The following SLCO1B1 variants were observed in gnomAD, a reference collection of about 807,000 sequenced individuals.
SLCO1B1 encodes solute carrier organic anion transporter family member 1B1.
Under a neutral mutation model 70.1 loss-of-function variants are expected in SLCO1B1, and 81 were observed. That is an observed-to-expected ratio of 1.16 (90% CI 0.97 to 1.39). SLCO1B1 has a LOEUF of 1.39. Ranked by LOEUF, SLCO1B1 falls within the 40% of genes most tolerant of loss-of-function variation. The probability of loss-of-function intolerance (pLI) is 0.00; values close to 1 mark genes in which losing one functional copy is unlikely to be tolerated. For synonymous variants in SLCO1B1, 283 were observed against 271.5 expected, an observed-to-expected ratio of 1.04 and a Z score of -0.42; for missense variants, 895 against 799.6, an observed-to-expected ratio of 1.12 and a Z score of -1.44.
At chr12:21,222,082 T>G (rs1185679935) in intron 12 of SLCO1B1, among the ~76,000 whole-genome samples, 5 of 152,036 alleles carry the variant, frequency 3.3e-5, no homozygotes, top group Non-Finnish European at 7.4e-5. Context: ...TTAAGCCATC[T>G]TGAAATCATG....
chr12:21,215,013 T>C (rs1178487263), intron 11 of SLCO1B1, among the ~76,000 whole-genome samples: 1 of 152,134 alleles, frequency 6.6e-6, no homozygotes, highest in Non-Finnish European at 1.5e-5. Context: ...AATGCAGAAA[T>C]CACCCGTCTT....
At chr12:21,174,108 G>A (rs1274539254) in intron 3 of SLCO1B1, among the ~76,000 whole-genome samples, 1 of 151,980 alleles carries the variant, frequency 6.6e-6, no homozygotes, top group Non-Finnish European at 1.5e-5. Flanking sequence ...TAGCACCTCT[G>A]TCCATCTATT....
chr12:21,233,680 G>C (rs1271928128), intron 14 of SLCO1B1, among the ~76,000 whole-genome samples: 1 of 152,058 alleles, frequency 6.6e-6, no homozygotes, highest in Non-Finnish European at 1.5e-5. Context: ...GGAGGAGTTG[G>C]CAGTGCCTAG....
chr12:21,208,709 T>A (rs1431824439), intron 11 of SLCO1B1, among the ~76,000 whole-genome samples: 1 of 152,144 alleles, frequency 6.6e-6, no homozygotes, highest in Non-Finnish European at 1.5e-5. Context: ...TGTAGATTGC[T>A]TTGGGCAGTA....
chr12:21,222,008 A>G lies in SLCO1B1; in HGVS notation c.1683-292A>G, dbSNP rs557175702. 1.4e-4 allele frequency among the ~76,000 whole-genome samples: 21 copies of G among 152,222 alleles called. 1 individual carries two copies. The highest frequency in any genetic ancestry group is 1.1e-3 in the Admixed American group (17 of 15,278). Reference sequence around the variant, plus strand: ...ACAAAAAATCAGTATCTTCAGAGGCATAATAAAGTCTGTTCTAACCACTTC... The same window carrying G: ...ACAAAAAATCAGTATCTTCAGAGGCGTAATAAAGTCTGTTCTAACCACTTC... On this transcript the variant is annotated intron_variant, in intron 12 of 14. Transcript: ENST00000256958.
intron 1 of SLCO1B1, among the ~76,000 whole-genome samples, chr12:21,140,110 C>G (rs919296997): frequency 1.3e-5 from 2 of 152,070 alleles, no homozygotes; most frequent in Non-Finnish European, 2.9e-5. Context: ...TGACCAGAGG[C>G]AGACAGGCAT....
At chr12:21,203,877 C>A (rs1941184896) in intron 10 of SLCO1B1, among the ~76,000 whole-genome samples, 1 of 151,900 alleles carries the variant, frequency 6.6e-6, no homozygotes, top group Non-Finnish European at 1.5e-5. Context: ...TATGTCACAC[C>A]CTTAGTTCAA....
At chr12:21,214,845 C>T (rs1177766959) in intron 11 of SLCO1B1, among the ~76,000 whole-genome samples, 1 of 152,086 alleles carries the variant, frequency 6.6e-6, no homozygotes, top group Non-Finnish European at 1.5e-5. Flanking sequence ...GTCCGTCACC[C>T]CTTTCTTTGA....
intron 14 of SLCO1B1, among the ~76,000 whole-genome samples, chr12:21,233,563 C>A (rs999106332): frequency 2.5e-4 from 22 of 88,964 alleles, no homozygotes; most frequent in South Asian, 1.0e-3. Flanking sequence ...AAAAAAAAAA[C>A]AAACAAACAA....
intron 1 of SLCO1B1, among the ~76,000 whole-genome samples, chr12:21,138,244 C>T (rs1940255938): frequency 6.6e-6 from 1 of 152,072 alleles, no homozygotes; most frequent in African/African-American, 2.4e-5. Context: ...GTATTAAAAG[C>T]TTGACACAGA....
intron 2 of SLCO1B1, among the ~76,000 whole-genome samples, chr12:21,165,514 G>A (rs1940673390): frequency 6.6e-6 from 1 of 151,972 alleles, no homozygotes; most frequent in South Asian, 2.1e-4. Context: ...AAAGGTCAAA[G>A]GGATAAAAAA....
chr12:21,218,797 T>C (rs1262632465), intron 12 of SLCO1B1, among the ~76,000 whole-genome samples: 3 of 152,232 alleles, frequency 2.0e-5, no homozygotes, highest in African/African-American at 7.2e-5. Context: ...GTTTCAGAAA[T>C]TGATTAAATC....
At chr12:21,198,629 T>C (rs1941122488) in intron 8 of SLCO1B1, among the ~76,000 whole-genome samples, 1 of 151,704 alleles carries the variant, frequency 6.6e-6, no homozygotes, top group South Asian at 2.1e-4. Context: ...TAGGAATGGA[T>C]AAAATAAGAA....
intron 9 of SLCO1B1, 78 bp from the exon 10 acceptor site, chr12:21,202,413 G>A: frequency 4.4e-6 from 4 of 900,948 alleles, no homozygotes; most frequent in Non-Finnish European, 6.8e-6. Flanking sequence ...AAATTTGATT[G>A]ACATACATTG....
At chr12:21,159,453 G>A (rs1276934110) in intron 2 of SLCO1B1, among the ~76,000 whole-genome samples, 1 of 151,986 alleles carries the variant, frequency 6.6e-6, no homozygotes. Flanking sequence ...CTATGACTTT[G>A]CAGCAATAAA....
In SLCO1B1 at chr12:21,140,725, A is replaced by T. The variant is rs1286847797; in HGVS notation, c.-61-789A>T. ...AGAGAAGATAAAAAGGTAGAGAATG[A>T]TGTTTAAGGTATGCTACCATTTGCA... On this transcript the variant is annotated intron_variant, in intron 1 of 14. Transcript: ENST00000256958. 2.0e-5 allele frequency among the ~76,000 whole-genome samples: 3 copies of T among 152,034 alleles called. No individual in the cohort carries two copies. The East Asian group carries it at 5.8e-4, about 29-fold the overall frequency.
At position 21,239,158 on chromosome 12, in the gene SLCO1B1, C is replaced by T. The variant is rs140790673; in HGVS notation, c.2045C>T (p.Ser682Phe). Residue 682 changes from serine to phenylalanine, a missense_variant, in exon 15 of 15, where the codon TCT (serine) becomes TTT (phenylalanine). Transcript: ENST00000256958. ...SLNKNKHFVP[S>F]AGADSETHC ...AATAAAAATAAACATTTTGTCCCTT[C>T]TGCTGGGGCAGATAGTGAAACACAT... 59 of 1,613,088 alleles carry T rather than the reference C, an allele frequency of 3.7e-5. 1 individual carries two copies. In the East Asian group the frequency reaches 1.1e-3, roughly 31 times the overall value.
intron 1 of SLCO1B1, among the ~76,000 whole-genome samples, chr12:21,134,851 G>A (rs1309315944): frequency 2.6e-5 from 4 of 151,864 alleles, no homozygotes; most frequent in South Asian, 2.1e-4. Context: ...TGCTCTGATG[G>A]TAGTTATTTC....
intron 7 of SLCO1B1, among the ~76,000 whole-genome samples, chr12:21,195,081 T>C (rs918010974): frequency 2.6e-5 from 4 of 152,142 alleles, no homozygotes; most frequent in East Asian, 3.9e-4. Flanking sequence ...ACCTCCAACA[T>C]TGGATATTAC....
Sources: gnomAD v4.1 joint callset for allele counts (sites outside exome capture counted in the v4.1 genomes callset) on GRCh38, gnomAD v4.1.1 for gene constraint, MANE v1.5 for transcripts, NCBI Gene and HGNC (gene_info 2026-07-23, HGNC 2026-07-21) for gene names.